XRCC4: variants seen among roughly 807,000 people sequenced by gnomAD.
The protein encoded by XRCC4 is DNA repair protein XRCC4.
A neutral mutation model predicts 39.1 loss-of-function variants in XRCC4; 28 were observed. That is an observed-to-expected ratio of 0.72 (90% CI 0.53 to 0.98). XRCC4 has a LOEUF of 0.98. Ranked by LOEUF, XRCC4 falls within the 50% of genes least tolerant of loss-of-function variation. The pLI is 0.00. For synonymous variants in XRCC4, 123 were observed against 126.4 expected, an observed-to-expected ratio of 0.97 and a Z score of 0.18; for missense variants, 350 against 376.4, an observed-to-expected ratio of 0.93 and a Z score of 0.58.
chr5:83,219,443 G>T (rs769777870), intron 6 of XRCC4, among the ~76,000 whole-genome samples: 2 of 152,138 alleles, frequency 1.3e-5, no homozygotes, highest in Non-Finnish European at 2.9e-5. Context: ...CCAAACCATT[G>T]ATCTAAGAGA....
chr5:83,288,382 A>G lies in XRCC4; in HGVS notation c.893+29705A>G, dbSNP rs893445045. 4.1e-4 allele frequency among the ~76,000 whole-genome samples: 63 copies of G among 151,952 alleles called. 1 individual carries two copies. Among genetic ancestry groups the G allele is most frequent in the Non-Finnish European group, 1.5e-5 (1 of 67,882 alleles). On this transcript the variant is annotated intron_variant, in intron 7 of 7. Transcript: ENST00000396027. The stretch of plus-strand genomic sequence containing the variant: ...CAGGCTATTGAAGCCTCCAACTCCA[A>G]TAATGCATTTGTCTTATTCACCTTT...
chr5:83,269,435 G>A (rs1255087935), intron 7 of XRCC4, among the ~76,000 whole-genome samples: 1 of 150,582 alleles, frequency 6.6e-6, no homozygotes, highest in Non-Finnish European at 1.5e-5. Context: ...ATAGTTCCAA[G>A]TACATCTAGA....
chr5:83,321,066 C>T (rs546654582), intron 7 of XRCC4, among the ~76,000 whole-genome samples: 1 of 152,184 alleles, frequency 6.6e-6, no homozygotes, highest in South Asian at 2.1e-4. Flanking sequence ...GCCTCGGCCT[C>T]CCAAAGTGCT....
chr5:83,225,837 C>A (rs542972010), intron 6 of XRCC4, among the ~76,000 whole-genome samples: 1 of 151,684 alleles, frequency 6.6e-6, no homozygotes. Context: ...CCCATTTCTG[C>A]ACTGCTCTGA....
chr5:83,218,505 T>A (rs1338462302), intron 6 of XRCC4, among the ~76,000 whole-genome samples: 2 of 151,938 alleles, frequency 1.3e-5, no homozygotes, highest in Admixed American at 1.3e-4. Context: ...GAGGAGAGGA[T>A]CATATATTTG....
At chr5:83,236,399 C>G (rs915594382) in intron 6 of XRCC4, among the ~76,000 whole-genome samples, 10 of 151,764 alleles carry the variant, frequency 6.6e-5, no homozygotes, top group Non-Finnish European at 1.3e-4. Flanking sequence ...AATAGAGAAC[C>G]CTCAGAAATA....
chr5:83,171,540 G>A (rs1313254233), intron 3 of XRCC4, among the ~76,000 whole-genome samples: 2 of 151,986 alleles, frequency 1.3e-5, no homozygotes, highest in Non-Finnish European at 2.9e-5. Flanking sequence ...GGGTATACTG[G>A]CACACAATTC....
At chr5:83,302,907 T>C (rs2220094) in intron 7 of XRCC4, among the ~76,000 whole-genome samples, 2,925 of 152,216 alleles carry the variant, frequency 0.019, 104 homozygotes, top group African/African-American at 0.067. Context: ...GAGTCACAAA[T>C]AATAAATAGT....
chr5:83,178,728 C>A (rs772435051), intron 3 of XRCC4, among the ~76,000 whole-genome samples: 2 of 152,070 alleles, frequency 1.3e-5, no homozygotes, highest in Admixed American at 1.3e-4. Flanking sequence ...GAAAAATGTA[C>A]CAAAGTATTA....
intron 7 of XRCC4, among the ~76,000 whole-genome samples, chr5:83,300,580 C>T (rs371234889): frequency 2.4e-4 from 29 of 121,952 alleles, no homozygotes; most frequent in East Asian, 4.9e-4. Context: ...GTGTGTGTCC[C>T]TTTTTTTTTT....
intron 3 of XRCC4, among the ~76,000 whole-genome samples, chr5:83,127,624 T>C (rs756203493): frequency 6.6e-6 from 1 of 152,074 alleles, no homozygotes; most frequent in Non-Finnish European, 1.5e-5. Context: ...AACGGACTAA[T>C]ACCATCCCCA....
At chr5:83,342,055 G>A (rs1756778053) in intron 7 of XRCC4, among the ~76,000 whole-genome samples, 1 of 152,098 alleles carries the variant, frequency 6.6e-6, no homozygotes, top group South Asian at 2.1e-4. Context: ...CACTTTCATA[G>A]GCATAGATCA....
At chr5:83,203,478 T>G in intron 4 of XRCC4, 74 bp from the exon 5 acceptor site, 1 of 1,264,312 alleles carries the variant, frequency 7.9e-7, no homozygotes, top group South Asian at 1.8e-5. Flanking sequence ...GAAATCTTCT[T>G]GATTATTAGG....
intron 4 of XRCC4, among the ~76,000 whole-genome samples, 181 bp from the exon 5 acceptor site, chr5:83,203,371 A>G (rs1751288306): frequency 6.6e-6 from 1 of 152,168 alleles, no homozygotes; most frequent in Admixed American, 6.5e-5. Context: ...AATTACATTA[A>G]TAACCAATAA....
intron 3 of XRCC4, among the ~76,000 whole-genome samples, chr5:83,136,416 G>C (rs996147056): frequency 1.3e-5 from 2 of 152,148 alleles, no homozygotes; most frequent in African/African-American, 4.8e-5. Context: ...AAGACATTCA[G>C]TGTCAGGAAA....
the XRCC4 span, among the ~76,000 whole-genome samples, chr5:83,366,617 G>A: frequency 2.6e-5 from 4 of 152,180 alleles, no homozygotes; most frequent in Non-Finnish European, 5.9e-5. Flanking sequence ...CTTTACTGTG[G>A]CTTACAAGAC....
chr5:83,366,570 C>G, the XRCC4 span, among the ~76,000 whole-genome samples: 2 of 152,056 alleles, frequency 1.3e-5, no homozygotes, highest in Admixed American at 6.6e-5. Context: ...CAAAGCTTTT[C>G]CATGCCTTCT....
At chr5:83,196,579 T>C (rs891075096) in intron 4 of XRCC4, among the ~76,000 whole-genome samples, 6 of 151,954 alleles carry the variant, frequency 3.9e-5, no homozygotes, top group African/African-American at 1.4e-4. Context: ...ACCTTTATTA[T>C]TCTATTAGTA....
chr5:83,326,664 G>A (rs1183219920), intron 7 of XRCC4, among the ~76,000 whole-genome samples: 1 of 152,038 alleles, frequency 6.6e-6, no homozygotes, highest in East Asian at 1.9e-4. Flanking sequence ...ATTGCATAAT[G>A]TGAGTTTTTT....
Sources: gnomAD v4.1 joint callset for allele counts (sites outside exome capture counted in the v4.1 genomes callset) on GRCh38, gnomAD v4.1.1 for gene constraint, MANE v1.5 for transcripts, NCBI Gene and HGNC (gene_info 2026-07-23, HGNC 2026-07-21) for gene names.